Variants in PGAP1 observed in about 807,000 individuals in gnomAD.
The protein encoded by PGAP1 is GPI inositol-deacylase.
PGAP1 carries 76 observed loss-of-function variants against 127.0 expected under a neutral mutation model. The observed-to-expected ratio is 0.60, with a 90% CI of 0.50 to 0.72. The LOEUF is 0.72. Ranked by LOEUF, PGAP1 falls within the 30% of genes least tolerant of loss-of-function variation. PGAP1 has a pLI of 0.00. For missense variants in PGAP1, 982 were observed against 1,071.3 expected, an observed-to-expected ratio of 0.92 and a Z score of 1.16; for synonymous variants, 362 against 366.5, an observed-to-expected ratio of 0.99 and a Z score of 0.14.
At chr2:196,855,399 C>T (rs1317596775) in intron 20 of PGAP1, among the ~76,000 whole-genome samples, 1 of 151,290 alleles carries the variant, frequency 6.6e-6, no homozygotes, top group Non-Finnish European at 1.5e-5. Context: ...TATAAGCCAC[C>T]ACACCTGTCC....
chr2:196,852,668 A>C (rs1700757337), intron 20 of PGAP1, among the ~76,000 whole-genome samples: 1 of 152,118 alleles, frequency 6.6e-6, no homozygotes, highest in Non-Finnish European at 1.5e-5. Context: ...AAATAGAAAC[A>C]AGATAGAAAG....
intron 20 of PGAP1, among the ~76,000 whole-genome samples, chr2:196,850,220 T>C (rs1700679103): frequency 6.6e-6 from 1 of 152,176 alleles, no homozygotes; most frequent in Non-Finnish European, 1.5e-5. Context: ...GTTACTAGTT[T>C]AGCATCTTAT....
At chr2:196,921,222 A>G (rs1703185007) in intron 1 of PGAP1, among the ~76,000 whole-genome samples, 1 of 151,782 alleles carries the variant, frequency 6.6e-6, no homozygotes, top group Non-Finnish European at 1.5e-5. Context: ...ACAAAACAAC[A>G]AAATTCTGAT....
At chr2:196,884,826 A>G (rs1701845911) in intron 12 of PGAP1, among the ~76,000 whole-genome samples, 1 of 152,220 alleles carries the variant, frequency 6.6e-6, no homozygotes, top group South Asian at 2.1e-4. Flanking sequence ...TTTTCATCAC[A>G]TTTTAGGATT....
intron 2 of PGAP1, among the ~76,000 whole-genome samples, chr2:196,918,174 A>T (rs901534831): frequency 6.6e-6 from 1 of 152,166 alleles, no homozygotes; most frequent in African/African-American, 2.4e-5. Flanking sequence ...AAAGTAAATC[A>T]CACCTACCAG....
intron 1 of PGAP1, among the ~76,000 whole-genome samples, chr2:196,923,401 T>C (rs1451264429): frequency 6.6e-6 from 1 of 152,188 alleles, no homozygotes; most frequent in Non-Finnish European, 1.5e-5. Context: ...ATGCTCTCCC[T>C]TATATGAAAA....
chr2:196,842,810 A>C lies in PGAP1; in HGVS notation c.2541T>G (p.Leu847=). 6.5e-7 allele frequency: 1 copy of C among 1,543,270 alleles called. No homozygotes were observed. The highest frequency in any genetic ancestry group is 1.2e-5 in the South Asian group (1 of 82,950). Residue 847 remains leucine (L), a synonymous_variant, in exon 26 of 27, where the codon CTT becomes CTG. Transcript: ENST00000354764. ...CCAAAGGTTTACATGGATCAGGATT[A>C]AGTTTAAAATAATACCTATAATATT... is the stretch of plus-strand genomic sequence containing the variant. The part of the protein sequence containing the change: ...WLKNLRYYFK[L]NPDPCKPLAF...
rs139593289 is a variant in PGAP1 at position 196,836,064 on chromosome 2, G to A, written c.*5170C>T. ...TAAACTAAAATCGGAATTCAAATAC[G>A]CAAACAAATCTACACTAACTAATCA... On this transcript the variant is annotated 3_prime_UTR_variant, in exon 27 of 27. Coordinates refer to ENST00000354764, the MANE Select transcript of PGAP1 (RefSeq NM_024989.4). The A allele has an allele frequency of 2.0e-5, 3 of 151,506 alleles. No homozygotes were observed. Among genetic ancestry groups the A allele is most frequent in the East Asian group, 1.9e-4 (1 of 5,174 alleles). The allele number at this position is 151,506 out of a possible 1,614,324, so 9.4% of individuals were successfully genotyped here.
intron 1 of PGAP1, among the ~76,000 whole-genome samples, chr2:196,920,361 A>G (rs1365787482): frequency 6.6e-6 from 1 of 152,138 alleles, no homozygotes; most frequent in Non-Finnish European, 1.5e-5. Flanking sequence ...TGAACCATGT[A>G]GTCTTTAGGA....
rs1173038971 is a variant in PGAP1 at position 196,875,835 on chromosome 2, C to T, written c.1351-14G>A. 7.8e-7 allele frequency: 1 copy of T among 1,288,986 alleles called. No individual in the cohort carries two copies. Among genetic ancestry groups the T allele is most frequent in the Non-Finnish European group, 1.1e-6 (1 of 901,170 alleles). The allele number at this position is 1,288,986 out of a possible 1,614,324, so 79.8% of individuals were successfully genotyped here. On this transcript the variant is annotated splice_polypyrimidine_tract_variant and intron_variant, in intron 13 of 26. Coordinates refer to ENST00000354764, the MANE Select transcript of PGAP1 (RefSeq NM_024989.4). The stretch of plus-strand genomic sequence containing the variant: ...ATCTACAACAAACTGAAATATAAAA[C>T]ATTGATTTATTAGAAAAAGTAAGTT...
At chr2:196,898,240 G>T in intron 6 of PGAP1, 77 bp downstream of exon 6, 5 of 1,000,742 alleles carry the variant, frequency 5.0e-6, no homozygotes, top group Non-Finnish European at 7.6e-6. Context: ...AAGTTAACAA[G>T]CCAATTAAAT....
intron 1 of PGAP1, among the ~76,000 whole-genome samples, chr2:196,924,587 A>T (rs954319275): frequency 1.3e-5 from 2 of 152,194 alleles, no homozygotes; most frequent in African/African-American, 2.4e-5. Flanking sequence ...TACATCATAA[A>T]AACCTGCTAA....
In PGAP1 at chr2:196,884,361, G is replaced by A. The variant is rs1212448853; in HGVS notation, c.1272+1063C>T. On this transcript the variant is annotated intron_variant, in intron 12 of 26. Coordinates refer to ENST00000354764, the MANE Select transcript of PGAP1 (RefSeq NM_024989.4). ...TGATCCTGGTTAGGATAGTACCAGT[G>A]AGAAACCTTAAAAATGTTCAAGAGT... is the stretch of plus-strand genomic sequence containing the variant. Among the ~76,000 whole-genome samples, 10 of 152,248 alleles carry A rather than the reference G, an allele frequency of 6.6e-5. 1 individual carries two copies. The highest frequency in any genetic ancestry group is 6.5e-4 in the Admixed American group (10 of 15,296).
chr2:196,859,358 T>C (rs1440589689), intron 20 of PGAP1, among the ~76,000 whole-genome samples: 3 of 151,688 alleles, frequency 2.0e-5, no homozygotes, highest in African/African-American at 4.8e-5. Context: ...AGTAATGAGG[T>C]TGAAGCAGTA....
intron 1 of PGAP1, chr2:196,922,561 AACAC>A: frequency 1.8e-5 from 16 of 899,338 alleles, no homozygotes; most frequent in Non-Finnish European, 2.0e-5. Flanking sequence ...TCATACTGCT[AACAC>A]ACACACACAC....
intron 9 of PGAP1, among the ~76,000 whole-genome samples, chr2:196,892,065 G>A (rs1040594941): frequency 5.9e-5 from 9 of 151,882 alleles, no homozygotes; most frequent in African/African-American, 2.2e-4. Context: ...GGTGGTAAGA[G>A]AAAGTCTTCC....
Position 196,902,750 on chromosome 2 carries a change from G to A in PGAP1, c.650-8C>T. On this transcript the variant is annotated splice_region_variant and splice_polypyrimidine_tract_variant and intron_variant, in intron 4 of 26. Transcript: ENST00000354764. ...TTACAGTCGTATAAAAATCTGGTGGGGAATAAAAAAGAGACATTAAAAAAC... is the reference window on the plus strand; with the variant it reads ...TTACAGTCGTATAAAAATCTGGTGGAGAATAAAAAAGAGACATTAAAAAAC... 3.8e-6 allele frequency: 6 copies of A among 1,585,450 alleles called. No homozygotes were observed. Among genetic ancestry groups the A allele is most frequent in the East Asian group, 2.3e-5 (1 of 44,312 alleles).
In PGAP1 at chr2:196,846,990, A is replaced by G; in HGVS notation, c.2150+13T>C. ...TAAAGCAATAAGAAAGCTGTTAATC[A>G]TTCATTCTTTACCTTTTCAAAGCTA... On this transcript the variant is annotated intron_variant, in intron 22 of 26. Coordinates refer to ENST00000354764, the MANE Select transcript of PGAP1 (RefSeq NM_024989.4). The G allele has an allele frequency of 1.3e-6, 2 of 1,596,646 alleles. No homozygotes were observed. The highest frequency in any genetic ancestry group is 1.7e-6 in the Non-Finnish European group (2 of 1,168,728).
chr2:196,860,830 A>G (rs1314641703), intron 20 of PGAP1, among the ~76,000 whole-genome samples: 2 of 152,220 alleles, frequency 1.3e-5, no homozygotes, highest in Non-Finnish European at 2.9e-5. Flanking sequence ...CTGGTATAGG[A>G]AAAACAATCA....
Sources: allele counts gnomAD v4.1 joint callset (sites outside exome capture counted in the v4.1 genomes callset), GRCh38; gene constraint gnomAD v4.1.1; transcripts MANE v1.5; gene names NCBI Gene and HGNC (gene_info 2026-07-23, HGNC 2026-07-21).